NAV2: variants seen among roughly 807,000 people sequenced by gnomAD.
NAV2 encodes neuron navigator 2, also known as helicase, APC down-regulated 1.
Under a neutral mutation model 223.2 loss-of-function variants are expected in NAV2, and 54 were observed. That is an observed-to-expected ratio of 0.24 (90% CI 0.19 to 0.30). The LOEUF is 0.30. Among genes scored for constraint, NAV2 ranks in the 10% least tolerant of loss-of-function variants. The probability of loss-of-function intolerance (pLI) is 1.00; values close to 1 mark genes in which losing one functional copy is unlikely to be tolerated. For synonymous variants in NAV2, 1,279 were observed against 1,239.3 expected (o/e 1.03, Z -0.67); for missense variants, 2,806 against 3,147.5 (o/e 0.89, Z 2.60).
chr11:20,024,327 A>G (rs1193957306), intron 11 of NAV2, among the ~76,000 whole-genome samples: 1 of 152,180 alleles, frequency 6.6e-6, no homozygotes, highest in East Asian at 1.9e-4. Context: ...TGGATTGATC[A>G]GGCTGGAGCT....
intron 1 of NAV2, among the ~76,000 whole-genome samples, chr11:19,425,409 C>A (rs1417195127): frequency 1.3e-5 from 2 of 152,152 alleles, no homozygotes; most frequent in South Asian, 4.1e-4. Context: ...TTCCTTCTTC[C>A]AGCTGGATAG....
chr11:19,709,059 A>G (rs1292564530), upstream of NAV2, among the ~76,000 whole-genome samples: 4 of 152,150 alleles, frequency 2.6e-5, no homozygotes, highest in Non-Finnish European at 4.4e-5. Context: ...TTAACACAGT[A>G]TCAGTGTGGA....
At chr11:19,701,120 G>A (rs1328575461) in intron 1 of NAV2, among the ~76,000 whole-genome samples, 2 of 152,110 alleles carry the variant, frequency 1.3e-5, no homozygotes, top group South Asian at 2.1e-4. Context: ...AGGCACCACA[G>A]TGAAGTCTGC....
In NAV2 at chr11:19,596,483, A is replaced by T. The variant is rs560789196; in HGVS notation, c.76-236001A>T. Among the ~76,000 whole-genome samples the T allele has an allele frequency of 3.9e-5, 6 of 152,154 alleles. No homozygotes were observed. In the South Asian group the frequency reaches 6.2e-4, roughly 16 times the overall value. The stretch of plus-strand genomic sequence containing the variant: ...TTCCCCTGAGTCTCTCTGTGTGAGG[A>T]TTGTTCCCCTAATCAGGATGGAGAC... On this transcript the variant is annotated intron_variant, in intron 1 of 37. Coordinates refer to the NAV2 transcript ENST00000360655.
At chr11:19,791,708 A>C (rs528152807) in intron 1 of NAV2, among the ~76,000 whole-genome samples, 1 of 152,328 alleles carries the variant, frequency 6.6e-6, no homozygotes, top group East Asian at 1.9e-4. Context: ...AACCATCCAG[A>C]GAGCGGGCAC....
intron 1 of NAV2, among the ~76,000 whole-genome samples, chr11:19,653,030 C>T (rs936343863): frequency 6.6e-6 from 1 of 152,000 alleles, no homozygotes; most frequent in Admixed American, 6.6e-5. Context: ...AGCCACAGAC[C>T]CCAACTATGA....
intron 1 of NAV2, among the ~76,000 whole-genome samples, chr11:19,765,058 C>T (rs1466331308): frequency 6.6e-6 from 1 of 152,200 alleles, no homozygotes; most frequent in Non-Finnish European, 1.5e-5. Flanking sequence ...TGCCACCACC[C>T]TGGACCCTGC....
intron 1 of NAV2, chr11:19,380,423 T>A (rs1049562941): frequency 6.6e-6 from 1 of 152,280 alleles, no homozygotes; most frequent in Non-Finnish European, 1.5e-5. Flanking sequence ...GGAATTTCCA[T>A]GTCCTGTGAT....
At chr11:19,842,237 A>G (rs1008624153) in intron 2 of NAV2, among the ~76,000 whole-genome samples, 1 of 152,150 alleles carries the variant, frequency 6.6e-6, no homozygotes, top group Non-Finnish European at 1.5e-5. Flanking sequence ...TGTGAATGCA[A>G]TGCAACCTCT....
chr11:19,388,101 A>G (rs1849111670), intron 1 of NAV2, among the ~76,000 whole-genome samples: 1 of 152,234 alleles, frequency 6.6e-6, no homozygotes, highest in Non-Finnish European at 1.5e-5. Context: ...TTCCTAGGAG[A>G]TGAAACCTTG....
chr11:19,675,119 C>CT (rs1211693187), intron 1 of NAV2, among the ~76,000 whole-genome samples: 1 of 152,170 alleles, frequency 6.6e-6, no homozygotes, highest in Non-Finnish European at 1.5e-5. Flanking sequence ...CCTCCAGGAT[C>CT]CTTAGCATGG....
chr11:19,585,442 G>T (rs2045863940), intron 1 of NAV2, among the ~76,000 whole-genome samples: 1 of 152,140 alleles, frequency 6.6e-6, no homozygotes. Flanking sequence ...TGGTTATTTT[G>T]CTCCTTAGTG....
intron 1 of NAV2, among the ~76,000 whole-genome samples, chr11:19,804,501 G>GTGA (rs781707501): frequency 3.9e-5 from 6 of 152,218 alleles, no homozygotes; most frequent in Non-Finnish European, 7.3e-5. Context: ...TGGTCTTGTG[G>GTGA]GAGGAGCATT....
At chr11:19,408,939 C>T (rs1468601832) in intron 1 of NAV2, among the ~76,000 whole-genome samples, 1 of 149,810 alleles carries the variant, frequency 6.7e-6, no homozygotes, top group African/African-American at 2.5e-5. Flanking sequence ...GGATAGAGTT[C>T]CCTCTTTCAT....
At chr11:19,711,386 C>T (rs2049867472), upstream of NAV2, 1 of 152,204 alleles carries the variant, frequency 6.6e-6, no homozygotes, top group African/African-American at 2.4e-5. Flanking sequence ...TAAGGGCCCT[C>T]TTCCTGGTCC....
intron 1 of NAV2, among the ~76,000 whole-genome samples, chr11:19,630,386 A>G (rs1290193500): frequency 6.6e-6 from 1 of 152,138 alleles, no homozygotes; most frequent in Non-Finnish European, 1.5e-5. Flanking sequence ...TTGTTTTCTC[A>G]TGTGCAAGAT....
At chr11:19,759,208 C>T (rs1340330316) in intron 1 of NAV2, among the ~76,000 whole-genome samples, 1 of 151,254 alleles carries the variant, frequency 6.6e-6, no homozygotes, top group Non-Finnish European at 1.5e-5. Flanking sequence ...TCAGCCTCCC[C>T]AGCAGCTGGG....
intron 1 of NAV2, among the ~76,000 whole-genome samples, chr11:19,793,206 CAAAAAAA>C (rs557365857): frequency 3.4e-4 from 20 of 58,284 alleles, no homozygotes; most frequent in Non-Finnish European, 5.3e-4. Flanking sequence ...CACTCTGTCT[CAAAAAAA>C]AAAAAAAAAA....
intron 1 of NAV2, among the ~76,000 whole-genome samples, chr11:19,493,648 C>T (rs781428844): frequency 5.3e-5 from 8 of 152,126 alleles, no homozygotes; most frequent in Non-Finnish European, 1.0e-4. Flanking sequence ...CCTGGGACTG[C>T]CACCGGATGG....
Sources: gnomAD v4.1 joint callset for allele counts (sites outside exome capture counted in the v4.1 genomes callset) on GRCh38, gnomAD v4.1.1 for gene constraint, MANE v1.5 for transcripts, NCBI Gene and HGNC (gene_info 2026-07-23, HGNC 2026-07-21) for gene names.